The following GPA33 variants were observed in gnomAD, a reference collection of about 807,000 sequenced individuals.
GPA33 encodes glycoprotein A33, also known as cell surface A33 antigen.
GPA33 carries 27 observed loss-of-function variants against 35.6 expected under a neutral mutation model. The observed-to-expected ratio is 0.76, with a 90% CI of 0.56 to 1.04. The LOEUF (loss-of-function observed/expected upper bound fraction) is 1.04, where lower values mean the gene tolerates loss of function less well. GPA33 is among the 50% of genes least tolerant of loss of function. GPA33 has a pLI of 0.00. For synonymous variants in GPA33, 176 were observed against 164.0 expected (o/e 1.07, Z -0.56); for missense variants, 428 against 411.9 (o/e 1.04, Z -0.34).
intron 1 of GPA33, among the ~76,000 whole-genome samples, chr1:167,081,587 C>T (rs1436302048): frequency 6.6e-6 from 1 of 152,184 alleles, no homozygotes; most frequent in Non-Finnish European, 1.5e-5. Flanking sequence ...TAAAATTCTA[C>T]CAATGTCCTA....
chr1:167,084,625 G>A (rs1477291617), intron 1 of GPA33, among the ~76,000 whole-genome samples: 1 of 152,158 alleles, frequency 6.6e-6, no homozygotes, highest in Non-Finnish European at 1.5e-5. Context: ...CAGCCATCAT[G>A]TTATGAGGAG....
chr1:167,084,930 G>A (rs1226195668), intron 1 of GPA33, among the ~76,000 whole-genome samples: 2 of 152,224 alleles, frequency 1.3e-5, no homozygotes, highest in Admixed American at 1.3e-4. Flanking sequence ...ATTCCTGAAT[G>A]GACAGTTTGT....
At chr1:167,056,627 TGTG>T (rs1666271967) in intron 4 of GPA33, among the ~76,000 whole-genome samples, 1 of 156 alleles carries the variant, frequency 6.4e-3, no homozygotes, top group African/African-American at 0.036. Flanking sequence ...GTGGTGAGTG[TGTG>T]ATGTGTGTGG....
At chr1:167,064,218 A>C (rs1666538859) in intron 3 of GPA33, among the ~76,000 whole-genome samples, 1 of 152,216 alleles carries the variant, frequency 6.6e-6, no homozygotes, top group African/African-American at 2.4e-5. Context: ...TGGGAGGCGG[A>C]GGTTGCAGTG....
intron 1 of GPA33, among the ~76,000 whole-genome samples, chr1:167,082,967 T>C (rs1451463453): frequency 6.6e-6 from 1 of 152,038 alleles, no homozygotes; most frequent in Non-Finnish European, 1.5e-5. Flanking sequence ...CAGGGTGATC[T>C]GGGAACAGAG....
chr1:167,087,953 G>A (rs559665239), intron 1 of GPA33, among the ~76,000 whole-genome samples: 25 of 122,536 alleles, frequency 2.0e-4, no homozygotes, highest in African/African-American at 7.8e-4. Context: ...ACTTTTAGTC[G>A]GTTTTATGAT....
chr1:167,072,235 G>A (rs1005932678), intron 2 of GPA33, among the ~76,000 whole-genome samples: 1 of 152,162 alleles, frequency 6.6e-6, no homozygotes, highest in Non-Finnish European at 1.5e-5. Flanking sequence ...AGTGGTCGGG[G>A]ACCTAATGCT....
At chr1:167,066,620 T>G (rs1054863470) in intron 3 of GPA33, among the ~76,000 whole-genome samples, 60 of 152,192 alleles carry the variant, frequency 3.9e-4, no homozygotes, top group African/African-American at 1.4e-3. Context: ...AAATCGTCCT[T>G]CCACACATGT....
intron 1 of GPA33, among the ~76,000 whole-genome samples, chr1:167,080,526 A>G (rs1366559489): frequency 6.6e-6 from 1 of 152,216 alleles, no homozygotes; most frequent in East Asian, 1.9e-4. Flanking sequence ...CATGGCCAAG[A>G]GCACAAACAT....
chr1:167,053,918 C>A lies in GPA33; in HGVS notation c.*416G>T. Reference sequence around the variant, plus strand: ...GAGTGCAAACCCTCCACCTGGTGCCCCTCCAGGTGCTGGGCACACAGGTGA... The same window carrying A: ...GAGTGCAAACCCTCCACCTGGTGCCACTCCAGGTGCTGGGCACACAGGTGA... On this transcript the variant is annotated 3_prime_UTR_variant, in exon 7 of 7. Coordinates refer to ENST00000367868, the MANE Select transcript of GPA33 (RefSeq NM_005814.3). 5.5e-6 allele frequency: 1 copy of A among 181,882 alleles called. No homozygotes were observed. Among genetic ancestry groups the A allele is most frequent in the Non-Finnish European group, 1.1e-5 (1 of 87,652 alleles). 11.3% of individuals were successfully genotyped at this position (181,882 alleles called of 1,614,324 possible).
chr1:167,073,943 T>G (rs561456166), intron 1 of GPA33, among the ~76,000 whole-genome samples: 37 of 152,230 alleles, frequency 2.4e-4, no homozygotes, highest in South Asian at 1.5e-3. Context: ...CATAGAAAAC[T>G]CTCAATAAAC....
intron 1 of GPA33, among the ~76,000 whole-genome samples, chr1:167,076,086 G>A (rs1666818298): frequency 6.6e-6 from 1 of 152,206 alleles, no homozygotes; most frequent in African/African-American, 2.4e-5. Context: ...GGAAAGGGAA[G>A]AGAGCAGGGA....
At chr1:167,083,751 G>A (rs12041287) in intron 1 of GPA33, among the ~76,000 whole-genome samples, 26,928 of 151,974 alleles carry the variant, frequency 0.18, 2,632 homozygotes, top group Non-Finnish European at 0.22. Flanking sequence ...AGATGTGAGG[G>A]AAGGGCATCA....
intron 1 of GPA33, among the ~76,000 whole-genome samples, chr1:167,087,514 C>T (rs898105381): frequency 1.3e-5 from 2 of 152,172 alleles, no homozygotes; most frequent in African/African-American, 4.8e-5. Flanking sequence ...GGTCAGCCCC[C>T]TTTGGTCCCC....
intron 3 of GPA33, among the ~76,000 whole-genome samples, chr1:167,067,788 G>A (rs10918613): frequency 0.12 from 17,558 of 152,116 alleles, 1,200 homozygotes; most frequent in Non-Finnish European, 0.14. Context: ...ATGAAACAAG[G>A]TTAGAAAGAA....
At chr1:167,073,602 T>G in intron 1 of GPA33, 63 bp from the exon 2 acceptor site, 1 of 1,388,248 alleles carries the variant, frequency 7.2e-7, no homozygotes, top group Non-Finnish European at 1.0e-6. Context: ...ACCCACTCAC[T>G]GCCCACAGGA....
rs566102123 is a variant in GPA33, at chr1:167,060,135, A to G, written c.571+3447T>C. Among the ~76,000 whole-genome samples, 58 of 152,144 alleles carry G rather than the reference A, an allele frequency of 3.8e-4. 2 individuals carry two copies. The highest frequency in any genetic ancestry group is 1.4e-3 in the Admixed American group (22 of 15,278). Reference sequence around the variant, plus strand: ...GCTCTAGTGCCCAGGCTGCAGTGGCACCATCTTGGCTCACTGCAACCTCTG... The same window carrying G: ...GCTCTAGTGCCCAGGCTGCAGTGGCGCCATCTTGGCTCACTGCAACCTCTG... On this transcript the variant is annotated intron_variant, in intron 4 of 6. Coordinates refer to ENST00000367868, the MANE Select transcript of GPA33 (RefSeq NM_005814.3).
At chr1:167,074,508 T>C (rs543984885) in intron 1 of GPA33, among the ~76,000 whole-genome samples, 70 of 152,310 alleles carry the variant, frequency 4.6e-4, no homozygotes, top group African/African-American at 1.7e-3. Context: ...AGAGTTGAGC[T>C]ACCCTGCAGA....
At chr1:167,062,746 A>G (rs1432008237) in intron 4 of GPA33, among the ~76,000 whole-genome samples, 1 of 142,386 alleles carries the variant, frequency 7.0e-6, no homozygotes, top group Non-Finnish European at 1.5e-5. Flanking sequence ...TGAATCCACC[A>G]TCGCCTCCCC....
Sources: gnomAD v4.1 joint callset for allele counts (sites outside exome capture counted in the v4.1 genomes callset) on GRCh38, gnomAD v4.1.1 for gene constraint, MANE v1.5 for transcripts, NCBI Gene and HGNC (gene_info 2026-07-23, HGNC 2026-07-21) for gene names.